GUCY2F: variants seen among roughly 807,000 people sequenced by gnomAD.
GUCY2F encodes guanylate cyclase 2F, retinal.
GUCY2F carries 61 observed loss-of-function variants against 73.1 expected under a neutral mutation model. That is an observed-to-expected ratio of 0.83 (90% CI 0.68 to 1.03). GUCY2F has a LOEUF of 1.03. Among genes scored for constraint, GUCY2F ranks in the 50% least tolerant of loss-of-function variants. The pLI is 0.00. For synonymous variants in GUCY2F, 331 were observed against 307.8 expected, an observed-to-expected ratio of 1.08 and a Z score of -0.79; for missense variants, 912 against 854.3, an observed-to-expected ratio of 1.07 and a Z score of -0.84.
At chrX:109,375,866 C>A (rs1468819881) in intron 19 of GUCY2F, 32 bp downstream of exon 19, 41 of 1,084,928 alleles carry the variant, frequency 3.8e-5, no homozygotes, top group Non-Finnish European at 5.1e-5. Context: ...ATTTGGCAAG[C>A]TGCTGTGCTC....
chrX:109,376,761 G>A (rs1421234868), intron 17 of GUCY2F, among the ~76,000 whole-genome samples: 1 of 111,565 alleles, frequency 9.0e-6, no homozygotes, highest in East Asian at 2.9e-4. Flanking sequence ...AAGAGAAAAG[G>A]AGTGTAAACT....
At position 109,471,808 on chromosome X, in the gene GUCY2F, G is replaced by T. The variant is rs895526208; in HGVS notation, c.730+3399C>A. Among the ~76,000 whole-genome samples, 15 of 111,846 alleles carry T rather than the reference G, an allele frequency of 1.3e-4. 1 individual carries two copies. The highest frequency in any genetic ancestry group is 2.8e-4 in the Non-Finnish European group (15 of 53,163). Reference sequence around the variant, plus strand: ...GTACTTATTACTGTGAGACTCACAGGTATTGTAAAACTTGAAAGAAAATGC... The same window carrying T: ...GTACTTATTACTGTGAGACTCACAGTTATTGTAAAACTTGAAAGAAAATGC... On this transcript the variant is annotated intron_variant, in intron 2 of 19. Transcript: ENST00000218006.
chrX:109,481,104 AAGGG>A (rs200735029), intron 1 of GUCY2F, among the ~76,000 whole-genome samples: 8,621 of 51,887 alleles, frequency 0.17, 964 homozygotes, highest in Non-Finnish European at 0.22. Context: ...GGAAGGAAGG[AAGGG>A]AGGGAGGGAG....
At position 109,424,170 on chromosome X, in the gene GUCY2F, C is replaced by G. The variant is rs943225582; in HGVS notation, c.1791+6137G>C. The stretch of plus-strand genomic sequence containing the variant: ...AACTTCCTTTAAAGCCATAACTTAC[C>G]AAAACTGGCACAAGAAGAAACAGAA... On this transcript the variant is annotated intron_variant, in intron 8 of 19. Transcript: ENST00000218006. 3.6e-5 allele frequency among the ~76,000 whole-genome samples: 4 copies of G among 111,474 alleles called. No homozygotes were observed. In the South Asian group the frequency reaches 1.1e-3, roughly 31 times the overall value.
At chrX:109,424,541 GA>G (rs1217271858) in intron 8 of GUCY2F, among the ~76,000 whole-genome samples, 1 of 110,707 alleles carries the variant, frequency 9.0e-6, no homozygotes, top group Non-Finnish European at 1.9e-5. Context: ...ATAACACCAA[GA>G]GTTTACCCCA....
rs759035075 is a variant in GUCY2F, at chrX:109,384,356, A to G, written c.3055+828T>C. ...AATCCATGAAAAATGAAAACTGCATATAGAATTTAATGTTATTCTCTATGC... is the reference window on the plus strand; with the variant it reads ...AATCCATGAAAAATGAAAACTGCATGTAGAATTTAATGTTATTCTCTATGC... On this transcript the variant is annotated intron_variant, in intron 16 of 19. Transcript: ENST00000218006. Among the ~76,000 whole-genome samples, 5 of 112,419 alleles carry G rather than the reference A, an allele frequency of 4.4e-5. No homozygotes were observed. The East Asian group carries it at 1.4e-3, about 32-fold the overall frequency.
intron 8 of GUCY2F, among the ~76,000 whole-genome samples, chrX:109,427,546 C>T (rs1367583035): frequency 8.9e-6 from 1 of 112,068 alleles, no homozygotes; most frequent in Non-Finnish European, 1.9e-5. Flanking sequence ...ATATCTGGCT[C>T]ACAAAGATCT....
At chrX:109,469,285 T>C (rs893007162) in intron 2 of GUCY2F, among the ~76,000 whole-genome samples, 3 of 111,555 alleles carry the variant, frequency 2.7e-5, no homozygotes, top group Non-Finnish European at 5.7e-5. Context: ...CCAATTTCCA[T>C]GTCACTCAAT....
At chrX:109,414,932 G>T (rs1457348029) in intron 8 of GUCY2F, among the ~76,000 whole-genome samples, 1 of 111,237 alleles carries the variant, frequency 9.0e-6, no homozygotes, top group Non-Finnish European at 1.9e-5. Flanking sequence ...TGAAGAGACA[G>T]GGAAGAGCCA....
intron 7 of GUCY2F, among the ~76,000 whole-genome samples, chrX:109,435,051 C>A (rs1224243943): frequency 9.0e-6 from 1 of 110,654 alleles, no homozygotes; most frequent in Non-Finnish European, 1.9e-5. Context: ...AGTTTGAAGT[C>A]AGGTAGTGTG....
chrX:109,388,468 C>T, intron 15 of GUCY2F, 21 bp downstream of exon 15: 1 of 1,149,615 alleles, frequency 8.7e-7, no homozygotes, highest in Non-Finnish European at 1.2e-6. Flanking sequence ...AATGTTTCCT[C>T]TTACTTTAAC....
intron 1 of GUCY2F, among the ~76,000 whole-genome samples, chrX:109,479,327 G>C (rs760582591): frequency 5.4e-5 from 6 of 112,112 alleles, no homozygotes; most frequent in Non-Finnish European, 1.1e-4. Flanking sequence ...AGAATACTAA[G>C]TGCACAGTTG....
At position 109,438,370 on chromosome X, in the gene GUCY2F, G is replaced by A. The variant is rs374025044; in HGVS notation, c.1701+2981C>T. On this transcript the variant is annotated intron_variant, in intron 7 of 19. Transcript: ENST00000218006. ...TCATTCACAAAGTAGAAGCCCTTGT[G>A]GCCTAATTACCTCTTAATGTCCTCA... Among the ~76,000 whole-genome samples the A allele has an allele frequency of 8.9e-5, 10 of 112,247 alleles. No individual in the cohort carries two copies. The East Asian group carries it at 1.4e-3, about 16-fold the overall frequency.
chrX:109,398,711 C>T lies in GUCY2F; in HGVS notation c.2126-13G>A. On this transcript the variant is annotated splice_polypyrimidine_tract_variant and intron_variant, in intron 10 of 19. Transcript: ENST00000218006. ...GTCCACAGCAGCTCTAAAAAGAAAG[C>T]ATTGTGTAATGAATGCAGGGAGGAT... The T allele has an allele frequency of 1.7e-6, 2 of 1,201,692 alleles. No homozygotes were observed. Among genetic ancestry groups the T allele is most frequent in the South Asian group, 1.8e-5 (1 of 55,997 alleles).
chrX:109,432,518 A>G (rs764539226), intron 7 of GUCY2F, among the ~76,000 whole-genome samples: 1 of 112,412 alleles, frequency 8.9e-6, no homozygotes, highest in East Asian at 2.8e-4. Context: ...CTTTGCAGCT[A>G]TGTTACTGAG....
chrX:109,472,588 T>C (rs1298145665), intron 2 of GUCY2F, among the ~76,000 whole-genome samples: 1 of 112,025 alleles, frequency 8.9e-6, no homozygotes, highest in Admixed American at 9.4e-5. Context: ...GCTGGAAAAT[T>C]AGCTAAAGAT....
At chrX:109,417,213 CA>C (rs1278148779) in intron 8 of GUCY2F, among the ~76,000 whole-genome samples, 1 of 111,023 alleles carries the variant, frequency 9.0e-6, no homozygotes, top group Non-Finnish European at 1.9e-5. Context: ...ATAAATATAA[CA>C]GAATATATTT....
chrX:109,481,038 G>GA, intron 1 of GUCY2F, among the ~76,000 whole-genome samples: 1 of 81,127 alleles, frequency 1.2e-5, no homozygotes, highest in African/African-American at 4.7e-5. Context: ...AATGAAGGGA[G>GA]AGAAGAAGGA....
chrX:109,452,410 A>T (rs1231714594), intron 4 of GUCY2F, among the ~76,000 whole-genome samples: 1 of 112,071 alleles, frequency 8.9e-6, no homozygotes, highest in East Asian at 2.8e-4. Context: ...GAGTACCTTA[A>T]TTTAAGTTGG....
Sources: allele counts gnomAD v4.1 joint callset (sites outside exome capture counted in the v4.1 genomes callset), GRCh38; gene constraint gnomAD v4.1.1; transcripts MANE v1.5; gene names NCBI Gene and HGNC (gene_info 2026-07-23, HGNC 2026-07-21).